KAZN: variants seen among roughly 807,000 people sequenced by gnomAD.
KAZN encodes the protein kazrin.
A neutral mutation model predicts 87.4 loss-of-function variants in KAZN; 40 were observed. The ratio of observed to expected loss-of-function variants is 0.46; its 90% CI spans 0.36 to 0.60. The LOEUF (loss-of-function observed/expected upper bound fraction) is 0.60, where lower values mean the gene tolerates loss of function less well. KAZN is among the 20% of genes least tolerant of loss of function. The pLI is 0.00. For missense variants in KAZN, 898 were observed against 1,073.9 expected (o/e 0.84, Z 2.29); for synonymous variants, 466 against 458.3 (o/e 1.02, Z -0.22).
intron 2 of KAZN, among the ~76,000 whole-genome samples, chr1:14,343,560 T>G (rs1001306787): frequency 3.9e-5 from 6 of 152,128 alleles, no homozygotes; most frequent in African/African-American, 1.2e-4. Flanking sequence ...GTGATGCTTT[T>G]AAAACCTCAG....
chr1:14,980,122 C>A (rs941463880), intron 2 of KAZN, among the ~76,000 whole-genome samples: 1 of 152,182 alleles, frequency 6.6e-6, no homozygotes, highest in African/African-American at 2.4e-5. Context: ...CTCCTGACCT[C>A]AGGTGATCTG....
intron 1 of KAZN, among the ~76,000 whole-genome samples, chr1:14,058,321 G>A (rs574397183): frequency 6.6e-5 from 10 of 152,038 alleles, no homozygotes; most frequent in South Asian, 4.2e-4. Context: ...CTGCTTCACC[G>A]CTGAATCTAC....
Position 14,329,741 on chromosome 1 carries a change from T to G in KAZN, c.249+149149T>G, listed in dbSNP as rs992871594. Among the ~76,000 whole-genome samples, 3 of 152,160 alleles carry G rather than the reference T, an allele frequency of 2.0e-5. No homozygotes were observed. In the East Asian group the frequency reaches 5.8e-4, roughly 29 times the overall value. On this transcript the variant is annotated intron_variant, in intron 2 of 16. Coordinates refer to the KAZN transcript ENST00000636203. Reference sequence around the variant, plus strand: ...CCCACTTATTTAACTTTCTTGGATGTCAGCTTCTCCATAAGTCAAAGGATC... The same window carrying G: ...CCCACTTATTTAACTTTCTTGGATGGCAGCTTCTCCATAAGTCAAAGGATC...
chr1:13,957,758 G>A (rs898595294), intron 1 of KAZN, among the ~76,000 whole-genome samples: 1 of 152,062 alleles, frequency 6.6e-6, no homozygotes, highest in Non-Finnish European at 1.5e-5. Flanking sequence ...GAGAACTCAC[G>A]CTCTGGGGGA....
chr1:14,119,748 A>G (rs186625290), intron 1 of KAZN, among the ~76,000 whole-genome samples: 132 of 152,286 alleles, frequency 8.7e-4, no homozygotes, highest in Middle Eastern at 6.8e-3. Context: ...GGAAGATATA[A>G]AGGACTCTCA....
chr1:13,925,085 A>C (rs4662045), intron 1 of KAZN, among the ~76,000 whole-genome samples: 69,645 of 151,934 alleles, frequency 0.46, 16,273 homozygotes, highest in African/African-American at 0.53. Context: ...CCATATCCCC[A>C]GATTCCTTCC....
At chr1:14,591,418 AACACACACACACAC>A (rs36060158) in intron 2 of KAZN, among the ~76,000 whole-genome samples, 3 of 147,292 alleles carry the variant, frequency 2.0e-5, no homozygotes, top group Admixed American at 6.8e-5. Flanking sequence ...GGAAAGAAGA[AACACACACACACAC>A]ACACACACAC....
intron 2 of KAZN, among the ~76,000 whole-genome samples, chr1:14,335,118 C>A (rs1169204533): frequency 2.0e-5 from 3 of 147,420 alleles, no homozygotes; most frequent in African/African-American, 5.0e-5. Context: ...CCCCCCCCCA[C>A]CACCCCAGTG....
intron 1 of KAZN, among the ~76,000 whole-genome samples, chr1:14,907,333 T>C (rs957997321): frequency 2.0e-5 from 3 of 148,002 alleles, no homozygotes; most frequent in African/African-American, 7.5e-5. Context: ...ACCCAGGAGA[T>C]GGAGGTTGCA....
At chr1:14,799,188 T>A (rs1645928772) in intron 1 of KAZN, among the ~76,000 whole-genome samples, 1 of 152,256 alleles carries the variant, frequency 6.6e-6, no homozygotes, top group South Asian at 2.1e-4. Flanking sequence ...TAACCTATCC[T>A]ACCCTGTTTA....
intron 1 of KAZN, among the ~76,000 whole-genome samples, chr1:14,935,685 C>A (rs2101606869): frequency 6.6e-6 from 1 of 152,288 alleles, no homozygotes; most frequent in African/African-American, 2.4e-5. Context: ...TCCCTCTCCC[C>A]TCTCCCTTCC....
chr1:13,966,471 A>C (rs993733379), intron 1 of KAZN, among the ~76,000 whole-genome samples: 9 of 152,204 alleles, frequency 5.9e-5, no homozygotes, highest in African/African-American at 2.2e-4. Flanking sequence ...AGCAGATCTC[A>C]CTATCCTTGG....
At chr1:14,722,676 G>T (rs1387545697) in intron 1 of KAZN, among the ~76,000 whole-genome samples, 1 of 152,120 alleles carries the variant, frequency 6.6e-6, no homozygotes, top group African/African-American at 2.4e-5. Flanking sequence ...TTTCAAACAT[G>T]CAGGGAAGTC....
intron 2 of KAZN, among the ~76,000 whole-genome samples, chr1:14,497,587 G>A (rs1183572446): frequency 2.0e-5 from 3 of 152,142 alleles, no homozygotes; most frequent in Admixed American, 6.5e-5. Flanking sequence ...CCATATGAAT[G>A]AGTATGGAAT....
intron 1 of KAZN, among the ~76,000 whole-genome samples, chr1:14,123,370 C>T (rs892595473): frequency 6.6e-6 from 1 of 152,154 alleles, no homozygotes; most frequent in African/African-American, 2.4e-5. Context: ...AGCTGTCAGC[C>T]TTGTTGATGT....
intron 1 of KAZN, among the ~76,000 whole-genome samples, chr1:13,946,226 G>C (rs999795479): frequency 1.9e-4 from 29 of 152,236 alleles, no homozygotes; most frequent in Admixed American, 1.6e-3. Flanking sequence ...GCTTACCACA[G>C]TCTTACTGAT....
Position 13,932,261 on chromosome 1 carries a change from T to A in KAZN, c.91+38505T>A, listed in dbSNP as rs943548990. Among the ~76,000 whole-genome samples, 1,102 of 146,216 alleles carry A rather than the reference T, an allele frequency of 7.5e-3. 47 individuals are homozygous for A. Among genetic ancestry groups the A allele is most frequent in the African/African-American group, 0.026 (1,030 of 39,862 alleles). On this transcript the variant is annotated intron_variant, in intron 1 of 16. Coordinates refer to the KAZN transcript ENST00000636203. ...TACAGTTCTCAGCTTATTAAACATTTTTTTTTTTTTTTTTTTTGAGACGGA... is the reference window on the plus strand; with the variant it reads ...TACAGTTCTCAGCTTATTAAACATTATTTTTTTTTTTTTTTTTGAGACGGA...
At chr1:14,053,388 G>GAACCC (rs1450573418) in intron 1 of KAZN, among the ~76,000 whole-genome samples, 1 of 152,188 alleles carries the variant, frequency 6.6e-6, no homozygotes, top group Non-Finnish European at 1.5e-5. Context: ...CTGGAGTGGA[G>GAACCC]AACCCAGCTA....
chr1:14,165,574 T>C (rs1471188297), intron 1 of KAZN, among the ~76,000 whole-genome samples: 1 of 152,196 alleles, frequency 6.6e-6, no homozygotes, highest in East Asian at 1.9e-4. Context: ...AAAAGCCCAT[T>C]GACACCAGGT....
Sources: gnomAD v4.1 joint callset for allele counts (sites outside exome capture counted in the v4.1 genomes callset) on GRCh38, gnomAD v4.1.1 for gene constraint, MANE v1.5 for transcripts, NCBI Gene and HGNC (gene_info 2026-07-23, HGNC 2026-07-21) for gene names.